The following AMBRA1 variants were observed in gnomAD, a reference collection of about 807,000 sequenced individuals.
AMBRA1 encodes autophagy and beclin 1 regulator 1, also known as activating molecule in BECN1-regulated autophagy protein 1.
In AMBRA1, 47 loss-of-function variants were observed where a neutral mutation model predicts 125.4. That is an observed-to-expected ratio of 0.37 (90% CI 0.30 to 0.48). The LOEUF is 0.48. AMBRA1 is among the 20% of genes least tolerant of loss of function. The pLI is 0.99. For synonymous variants in AMBRA1, 626 were observed against 655.5 expected (o/e 0.95, Z 0.69); for missense variants, 1,331 against 1,693.4 (o/e 0.79, Z 3.76).
intron 1 of AMBRA1, among the ~76,000 whole-genome samples, chr11:46,579,805 C>A (rs1167464441): frequency 2.0e-5 from 3 of 152,144 alleles, no homozygotes; most frequent in Non-Finnish European, 4.4e-5. Context: ...CCCCGCCTCC[C>A]CAGTTCAAGT....
At chr11:46,464,171 G>A (rs1365499365) in intron 11 of AMBRA1, among the ~76,000 whole-genome samples, 1 of 152,202 alleles carries the variant, frequency 6.6e-6, no homozygotes, top group African/African-American at 2.4e-5. Flanking sequence ...AAGAGCAGGT[G>A]CCAGAGAATC....
intron 17 of AMBRA1, among the ~76,000 whole-genome samples, chr11:46,404,419 C>T (rs568419290): frequency 1.3e-3 from 201 of 152,304 alleles, no homozygotes; most frequent in African/African-American, 4.6e-3. Flanking sequence ...AAGAGTCTGA[C>T]AGCACAATAG....
intron 11 of AMBRA1, among the ~76,000 whole-genome samples, chr11:46,447,596 C>T (rs549084269): frequency 8.5e-5 from 13 of 152,066 alleles, no homozygotes; most frequent in African/African-American, 2.7e-4. Flanking sequence ...ACCTGTAGTC[C>T]CAGCTACCCA....
intron 11 of AMBRA1, among the ~76,000 whole-genome samples, chr11:46,476,460 G>C (rs1949816332): frequency 1.3e-5 from 2 of 152,054 alleles, no homozygotes; most frequent in Non-Finnish European, 2.9e-5. Flanking sequence ...CCGTGGTGCT[G>C]GTACTGCTTC....
chr11:46,520,422 T>G (rs986601409), intron 7 of AMBRA1, among the ~76,000 whole-genome samples: 25 of 152,220 alleles, frequency 1.6e-4, no homozygotes, highest in African/African-American at 6.0e-4. Context: ...CTAGCTAAAC[T>G]AAACACACCC....
At chr11:46,453,806 T>G (rs1395189735) in intron 11 of AMBRA1, among the ~76,000 whole-genome samples, 2 of 152,354 alleles carry the variant, frequency 1.3e-5, no homozygotes, top group African/African-American at 4.8e-5. Flanking sequence ...CTATCATGTT[T>G]AGGCAGTTTA....
chr11:46,546,839 G>A lies in AMBRA1; in HGVS notation c.378+274C>T, dbSNP rs375218074. Among the ~76,000 whole-genome samples, 13 of 152,230 alleles carry A rather than the reference G, an allele frequency of 8.5e-5. 2 individuals carry two copies. The highest frequency in any genetic ancestry group is 5.9e-4 in the Admixed American group (9 of 15,308). On this transcript the variant is annotated intron_variant, in intron 4 of 17. Coordinates refer to ENST00000683756, the MANE Select transcript of AMBRA1 (RefSeq NM_001387011.1). ...TAATCCCAGCACTTTGGGAGGCCGA[G>A]GCAGGCAGACCACTTGAGGTCAGGA...
chr11:46,526,292 C>G (rs1005506719), intron 7 of AMBRA1, among the ~76,000 whole-genome samples: 3 of 151,846 alleles, frequency 2.0e-5, no homozygotes, highest in Non-Finnish European at 4.4e-5. Flanking sequence ...AAGATGGCTC[C>G]AAAGAAATAT....
At position 46,397,880 on chromosome 11, in the gene AMBRA1, G is replaced by A. The variant is rs368208385; in HGVS notation, c.3467C>T (p.Ala1156Val). Reference sequence around the variant, plus strand: ...CACCACGGCTGTCATGCCGCCCTCCGCCATCAGCCTCTGGATCCTGCTGAG... The same window carrying A: ...CACCACGGCTGTCATGCCGCCCTCCACCATCAGCCTCTGGATCCTGCTGAG... Reference protein sequence around the residue: ...DALSRIQRLMAEGGMTAVVQR... With the variant: ...DALSRIQRLMVEGGMTAVVQR... Residue 1156 changes from alanine (A) to valine (V), a missense_variant, in exon 18 of 18, where the codon GCG becomes GTG. By Grantham distance (64) the Ala-to-Val change is moderately conservative. Around this residue, in one of 4 missense-constraint regions of AMBRA1, gnomAD observed 354 missense variants for 532.7 expected, o/e 0.66. Transcript: ENST00000683756. 1.4e-5 allele frequency: 22 copies of A among 1,599,896 alleles called. No individual in the cohort carries two copies. The highest frequency in any genetic ancestry group is 2.2e-5 in the East Asian group (1 of 44,886).
intron 7 of AMBRA1, among the ~76,000 whole-genome samples, chr11:46,527,477 C>CAA (rs59904013): frequency 0.11 from 2,816 of 25,918 alleles, 880 homozygotes; most frequent in Non-Finnish European, 0.14. Flanking sequence ...GAGACTGTCT[C>CAA]AAAAAAAAAA....
chr11:46,529,538 AAC>A (rs1338702324), intron 7 of AMBRA1, among the ~76,000 whole-genome samples: 10 of 152,238 alleles, frequency 6.6e-5, no homozygotes, highest in African/African-American at 2.2e-4. Context: ...CCTAACCATC[AAC>A]ACTTTTTGCT....
chr11:46,589,644 G>C (rs186262139), intron 1 of AMBRA1, among the ~76,000 whole-genome samples: 285 of 151,696 alleles, frequency 1.9e-3, no homozygotes, highest in African/African-American at 6.6e-3. Flanking sequence ...TTTTGAGACA[G>C]AGTCTCCCTC....
chr11:46,583,600 C>T (rs1361300885), intron 1 of AMBRA1, among the ~76,000 whole-genome samples: 1 of 105,320 alleles, frequency 9.5e-6, no homozygotes, highest in Non-Finnish European at 1.8e-5. Flanking sequence ...ACAACCTACT[C>T]ATCTGACAAA....
intron 1 of AMBRA1, among the ~76,000 whole-genome samples, chr11:46,575,711 T>G (rs1168495614): frequency 6.6e-6 from 1 of 151,950 alleles, no homozygotes; most frequent in African/African-American, 2.4e-5. Context: ...GAGATGGGGT[T>G]TCACCATATT....
intron 11 of AMBRA1, among the ~76,000 whole-genome samples, chr11:46,481,623 A>G (rs552136945): frequency 6.6e-6 from 1 of 152,244 alleles, no homozygotes; most frequent in African/African-American, 2.4e-5. Flanking sequence ...TCGGCCTCCC[A>G]AAGTGCTGGG....
intron 8 of AMBRA1, among the ~76,000 whole-genome samples, chr11:46,511,790 A>C (rs1029379719): frequency 6.6e-6 from 1 of 152,232 alleles, no homozygotes; most frequent in Non-Finnish European, 1.5e-5. Context: ...CCATCAGTGA[A>C]GGGCAGGCCT....
chr11:46,469,381 A>C (rs1158688373), intron 11 of AMBRA1, among the ~76,000 whole-genome samples: 3 of 152,184 alleles, frequency 2.0e-5, no homozygotes, highest in Non-Finnish European at 2.9e-5. Flanking sequence ...GAGTTAAAAA[A>C]AAGAAATAGA....
chr11:46,500,649 C>G (rs1345197180), intron 9 of AMBRA1, among the ~76,000 whole-genome samples: 2 of 152,160 alleles, frequency 1.3e-5, no homozygotes, highest in Non-Finnish European at 2.9e-5. Context: ...ATAGCTCTAG[C>G]CACAGATCTA....
intron 11 of AMBRA1, among the ~76,000 whole-genome samples, chr11:46,480,875 T>C (rs1950036234): frequency 1.3e-5 from 2 of 152,200 alleles, no homozygotes; most frequent in African/African-American, 2.4e-5. Context: ...CCTTTACGTA[T>C]AGAGACCAAT....
Sources: allele counts gnomAD v4.1 joint callset (sites outside exome capture counted in the v4.1 genomes callset), GRCh38; gene constraint gnomAD v4.1.1; regional missense constraint gnomAD v4.1.1; transcripts MANE v1.5; gene names NCBI Gene and HGNC (gene_info 2026-07-23, HGNC 2026-07-21).